The following MCM6 variants were observed in gnomAD, a reference collection of about 807,000 sequenced individuals.
MCM6 encodes the protein DNA replication licensing factor MCM6.
Under a neutral mutation model 94.3 loss-of-function variants are expected in MCM6, and 46 were observed. That is an observed-to-expected ratio of 0.49 (90% CI 0.39 to 0.62). The LOEUF is 0.62. Among genes scored for constraint, MCM6 ranks in the 20% least tolerant of loss-of-function variants. The probability of loss-of-function intolerance (pLI) is 0.00; values close to 1 mark genes in which losing one functional copy is unlikely to be tolerated. For synonymous variants in MCM6, 335 were observed against 351.9 expected, an observed-to-expected ratio of 0.95 and a Z score of 0.54; for missense variants, 865 against 1,017.9, an observed-to-expected ratio of 0.85 and a Z score of 2.04.
chr2:135,842,027 C>T lies in MCM6; in HGVS notation c.2350-1076G>A, dbSNP rs545316051. ...GGCTGAGATAAGAGAATCATTTAAACCCAGAAGGCGGAAGTTGCGGCGAGC... is the reference window on the plus strand; with the variant it reads ...GGCTGAGATAAGAGAATCATTTAAATCCAGAAGGCGGAAGTTGCGGCGAGC... On this transcript the variant is annotated intron_variant, in intron 16 of 16. Coordinates refer to ENST00000264156, the MANE Select transcript of MCM6 (RefSeq NM_005915.6). 3.3e-5 allele frequency among the ~76,000 whole-genome samples: 5 copies of T among 152,208 alleles called. No individual in the cohort carries two copies. In the South Asian group the frequency reaches 1.0e-3, roughly 32 times the overall value.
chr2:135,868,052 A>T (rs1352865941), intron 4 of MCM6, among the ~76,000 whole-genome samples: 1 of 152,002 alleles, frequency 6.6e-6, no homozygotes, highest in African/African-American at 2.4e-5. Context: ...AAAACAAAAC[A>T]AACACACACC....
chr2:135,862,470 T>A lies in MCM6; in HGVS notation c.1220+137A>T, dbSNP rs984998642. 5 of 960,250 alleles carry A rather than the reference T, an allele frequency of 5.2e-6. No homozygotes were observed. The African/African-American group carries it at 6.5e-5, about 13-fold the overall frequency. The allele number at this position is 960,250 out of a possible 1,614,324, so 59.5% of individuals were successfully genotyped here. A position where few individuals can be genotyped will look rare whatever the true frequency, so the allele number is the denominator to read the frequency against. ...TTGTACAATGTTGCCATAACTTTAA[T>A]CTATGAGAATTATATATTCAACATA... On this transcript the variant is annotated intron_variant, in intron 8 of 16. Transcript: ENST00000264156.
intron 4 of MCM6, among the ~76,000 whole-genome samples, chr2:135,867,455 A>G (rs1467603192): frequency 6.6e-6 from 1 of 152,200 alleles, no homozygotes. Context: ...AAATATGTGC[A>G]TCTTATAAGC....
chr2:135,844,582 CT>C lies in MCM6; in HGVS notation c.2311del (p.Arg771GlufsTer3). On this transcript the variant is annotated frameshift_variant, in exon 16 of 17. Coordinates refer to ENST00000264156, the MANE Select transcript of MCM6 (RefSeq NM_005915.6). LOFTEE classifies it high-confidence loss of function. Reference sequence around the variant, plus strand: ...TCGATGAATAACTTTCTCTATGATTCTTTTTTTATTTATAAGTTCTTCTTCA... The same window carrying C: ...TCGATGAATAACTTTCTCTATGATTCTTTTTTATTTATAAGTTCTTCTTCA... ...DSEEELINKKRIIEKVIHRLT... is the reference protein window; with the variant it reads ...DSEEELINKKXIIEKVIHRLT... 5.1e-6 allele frequency: 8 copies of C among 1,578,626 alleles called. No homozygotes were observed. Among genetic ancestry groups the C allele is most frequent in the Admixed American group, 1.9e-5 (1 of 54,010 alleles).
intron 2 of MCM6, among the ~76,000 whole-genome samples, chr2:135,871,349 A>C (rs1278408562): frequency 4.6e-5 from 7 of 152,152 alleles, no homozygotes; most frequent in African/African-American, 1.7e-4. Context: ...TATAACTTCT[A>C]CTGCTGCATG....
chr2:135,875,696 A>G (rs960813272), intron 1 of MCM6, among the ~76,000 whole-genome samples: 4 of 152,204 alleles, frequency 2.6e-5, no homozygotes, highest in Non-Finnish European at 4.4e-5. Flanking sequence ...GGGACCCAGA[A>G]GAAGGGATAT....
At chr2:135,869,986 T>C (rs1216829086) in intron 3 of MCM6, among the ~76,000 whole-genome samples, 1 of 152,242 alleles carries the variant, frequency 6.6e-6, no homozygotes, top group Non-Finnish European at 1.5e-5. Context: ...TATAAGTACT[T>C]GTTTTATAAT....
At position 135,856,182 on chromosome 2, in the gene MCM6, T is replaced by C. The variant is rs774115094; in HGVS notation, c.1626+546A>G. Reference sequence around the variant, plus strand: ...GGGGCCAGGTACAGTGGCTCACACCTATAGTCCCAACATTTTGGGAGGCTG... The same window carrying C: ...GGGGCCAGGTACAGTGGCTCACACCCATAGTCCCAACATTTTGGGAGGCTG... On this transcript the variant is annotated intron_variant, in intron 11 of 16. Coordinates refer to ENST00000264156, the MANE Select transcript of MCM6 (RefSeq NM_005915.6). Among the ~76,000 whole-genome samples the C allele has an allele frequency of 7.6e-4, 116 of 152,216 alleles. 2 individuals carry two copies. The highest frequency in any genetic ancestry group is 2.6e-4 in the Non-Finnish European group (18 of 68,038).
At chr2:135,856,019 T>C (rs984834066) in intron 11 of MCM6, among the ~76,000 whole-genome samples, 5 of 151,434 alleles carry the variant, frequency 3.3e-5, no homozygotes, top group Non-Finnish European at 7.4e-5. Flanking sequence ...AATACAAAGA[T>C]AAATGACTCA....
At chr2:135,874,805 A>G (rs1400219800) in intron 1 of MCM6, among the ~76,000 whole-genome samples, 1 of 152,236 alleles carries the variant, frequency 6.6e-6, no homozygotes, top group Admixed American at 6.5e-5. Flanking sequence ...CGTTTCAGAA[A>G]AGGGATACTC....
chr2:135,872,503 G>GCTC (rs1680220153), intron 2 of MCM6, among the ~76,000 whole-genome samples, 194 bp downstream of exon 2: 1 of 151,996 alleles, frequency 6.6e-6, no homozygotes, highest in East Asian at 1.9e-4. Context: ...AAAACGTTCG[G>GCTC]CTCTACAAAG....
intron 3 of MCM6, 88 bp from the exon 4 acceptor site, chr2:135,868,948 T>C: frequency 7.5e-7 from 1 of 1,340,706 alleles, no homozygotes; most frequent in Non-Finnish European, 1.0e-6. Context: ...CAAAGATAAT[T>C]TATGTTTAAA....
chr2:135,842,420 G>A lies in MCM6; in HGVS notation c.2350-1469C>T, dbSNP rs1017651084. Among the ~76,000 whole-genome samples, 8 of 152,126 alleles carry A rather than the reference G, an allele frequency of 5.3e-5. No individual in the cohort carries two copies. In the South Asian group the frequency reaches 6.2e-4, roughly 12 times the overall value. ...TATAGTGAGCCCTGTGAATTGGCAC[G>A]ACAGTTAAATCTCTGCCACATAATA... On this transcript the variant is annotated intron_variant, in intron 16 of 16. Coordinates refer to ENST00000264156, the MANE Select transcript of MCM6 (RefSeq NM_005915.6).
intron 6 of MCM6, 39 bp from the exon 7 acceptor site, chr2:135,865,202 A>C: frequency 1.5e-6 from 2 of 1,355,294 alleles, no homozygotes; most frequent in African/African-American, 2.9e-5. Context: ...TTAGTATAGA[A>C]GCAGTCAAAA....
rs558217757 is a variant in MCM6 at position 135,857,857 on chromosome 2, C to T, written c.1470+40G>A. ...TCTAGTACTACATTAATCAACAAGGCTATGGACGATGCAGCAGAACAGAAG... is the reference window on the plus strand; with the variant it reads ...TCTAGTACTACATTAATCAACAAGGTTATGGACGATGCAGCAGAACAGAAG... On this transcript the variant is annotated intron_variant, in intron 10 of 16. Transcript: ENST00000264156. 2.6e-6 allele frequency: 4 copies of T among 1,531,208 alleles called. No individual in the cohort carries two copies. In the South Asian group the frequency reaches 4.5e-5, roughly 17 times the overall value. 94.9% of individuals were successfully genotyped at this position (1,531,208 alleles called of 1,614,324 possible).
At position 135,876,180 on chromosome 2, in the gene MCM6, C is replaced by G. The variant is rs568849539; in HGVS notation, c.107+79G>C. ...CGCGACCCCCAGGTTCCGGAACACC[C>G]GCCGCCCACACGGCACCGCCTGGCC... On this transcript the variant is annotated intron_variant, in intron 1 of 16. Coordinates refer to ENST00000264156, the MANE Select transcript of MCM6 (RefSeq NM_005915.6). 1,765 of 1,158,302 alleles carry G rather than the reference C, an allele frequency of 1.5e-3. 8 individuals are homozygous for G. The highest frequency in any genetic ancestry group is 9.1e-3 in the South Asian group (495 of 54,662). The allele number at this position is 1,158,302 out of a possible 1,614,324, so 71.8% of individuals were successfully genotyped here.
chr2:135,852,644 C>T lies in MCM6; in HGVS notation c.1755+143G>A, dbSNP rs559280413. On this transcript the variant is annotated intron_variant, in intron 12 of 16. Coordinates refer to ENST00000264156, the MANE Select transcript of MCM6 (RefSeq NM_005915.6). ...CAGCCCTCTCTGAAAAAACAAATTG[C>T]TGTTCCAGAAAAAAAAAAAAAGTTG... 1.7e-5 allele frequency: 8 copies of T among 483,936 alleles called. No homozygotes were observed. In the South Asian group the frequency reaches 7.3e-4, roughly 44 times the overall value. The allele number at this position is 483,936 out of a possible 1,614,324, so 30.0% of individuals were successfully genotyped here.
intron 8 of MCM6, among the ~76,000 whole-genome samples, chr2:135,860,567 A>C (rs937176359): frequency 6.6e-6 from 1 of 152,262 alleles, no homozygotes; most frequent in Non-Finnish European, 1.5e-5. Flanking sequence ...GATTGGTTTA[A>C]CATCTGAAAA....
intron 1 of MCM6, among the ~76,000 whole-genome samples, chr2:135,875,076 GAA>G (rs988250415): frequency 3.3e-5 from 5 of 152,168 alleles, no homozygotes; most frequent in African/African-American, 9.7e-5. Flanking sequence ...TTTGGAAGAT[GAA>G]AAGAGTTTGG....
Sources: gnomAD v4.1 joint callset for allele counts (sites outside exome capture counted in the v4.1 genomes callset) on GRCh38, gnomAD v4.1.1 for gene constraint, MANE v1.5 for transcripts, NCBI Gene and HGNC (gene_info 2026-07-23, HGNC 2026-07-21) for gene names.